ATP6V0E1: variants seen among roughly 807,000 people sequenced by gnomAD.
ATP6V0E1 encodes the protein V-type proton ATPase subunit e 1.
In ATP6V0E1, 4 loss-of-function variants were observed where a neutral mutation model predicts 11.6. The observed-to-expected ratio is 0.35, with a 90% confidence interval of 0.17 to 0.79. The LOEUF (loss-of-function observed/expected upper bound fraction) is 0.79. Ranked by LOEUF, ATP6V0E1 falls within the 30% of genes least tolerant of loss-of-function variation. The pLI, the probability that ATP6V0E1 is intolerant of heterozygous loss-of-function variation, is 0.54. For missense variants in ATP6V0E1, 105 were observed against 100.0 expected, an observed-to-expected ratio of 1.05 and a Z score of -0.21; for synonymous variants, 36 against 34.8, an observed-to-expected ratio of 1.04 and a Z score of -0.13.
chr5:173,027,336 A>AAAT (rs1756578766), intron 3 of ATP6V0E1, among the ~76,000 whole-genome samples: 1 of 150,310 alleles, frequency 6.7e-6, no homozygotes, highest in South Asian at 2.1e-4. Flanking sequence ...AAAAAAAAAA[A>AAAT]AAAAAAATAC....
intron 2 of ATP6V0E1, among the ~76,000 whole-genome samples, chr5:173,002,075 TG>T (rs2113590574): frequency 6.6e-6 from 1 of 152,306 alleles, no homozygotes; most frequent in South Asian, 2.1e-4. Flanking sequence ...CCTTCAAAAA[TG>T]ATCAACTCAT....
chr5:172,998,287 A>C (rs1581626905), intron 2 of ATP6V0E1, among the ~76,000 whole-genome samples: 1 of 134,092 alleles, frequency 7.5e-6, no homozygotes, highest in Admixed American at 8.3e-5. Flanking sequence ...ATGTGGAGGG[A>C]ATTCTTATCA....
In ATP6V0E1 at chr5:172,996,574, AATACATAC is replaced by A. The variant is rs534005934; in HGVS notation, c.152+1772_152+1779del. On this transcript the variant is annotated intron_variant, in intron 2 of 3. Transcript: ENST00000519374. Reference sequence around the variant, plus strand: ...GAGACTCCGCCTCAAAAAAAAAAAAAATACATACATACATACATACATACATAAAGTCA... The same window carrying A: ...GAGACTCCGCCTCAAAAAAAAAAAAAATACATACATACATACATAAAGTCA... 5.5e-3 allele frequency among the ~76,000 whole-genome samples: 829 copies of A among 151,792 alleles called. 2 individuals carry two copies. Among genetic ancestry groups the A allele is most frequent in the South Asian group, 0.018 (85 of 4,818 alleles).
At position 172,988,503 on chromosome 5, in the gene ATP6V0E1, C is replaced by T. The variant is rs114140096; in HGVS notation, c.104+4539C>T. On this transcript the variant is annotated intron_variant, in intron 1 of 3. Transcript: ENST00000519374. The stretch of plus-strand genomic sequence containing the variant: ...TTTTTTTAAAAAGGAAATACTAGTG[C>T]ACAATTTAATTAACTTTTCCATGTT... 4.9e-3 allele frequency among the ~76,000 whole-genome samples: 748 copies of T among 152,084 alleles called. 7 individuals carry two copies. Among genetic ancestry groups the T allele is most frequent in the African/African-American group, 0.017 (712 of 41,462 alleles).
At chr5:173,020,563 C>T in intron 3 of ATP6V0E1, 196 bp downstream of exon 3, 2 of 556,370 alleles carry the variant, frequency 3.6e-6, no homozygotes, top group Non-Finnish European at 3.3e-6. Context: ...TTTTTAGATT[C>T]TGCTATCACC....
intron 3 of ATP6V0E1, among the ~76,000 whole-genome samples, chr5:173,032,606 C>A (rs539893092): frequency 2.6e-5 from 4 of 152,072 alleles, no homozygotes; most frequent in Admixed American, 2.6e-4. Flanking sequence ...TTATTTTAAA[C>A]TGGTATCATT....
chr5:173,034,579 T>A lies in ATP6V0E1; in HGVS notation c.*217T>A. On this transcript the variant is annotated 3_prime_UTR_variant, in exon 4 of 4. Transcript: ENST00000519374. ...CACTTTGGTGAATTACGTGCCTCCA[T>A]AACCTGAACTGTGCCGACTCCACAA... 1.5e-6 allele frequency: 1 copy of A among 653,710 alleles called. No homozygotes were observed. Among genetic ancestry groups the A allele is most frequent in the Admixed American group, 2.2e-5 (1 of 45,992 alleles). The allele number at this position is 653,710 out of a possible 1,614,324, so 40.5% of individuals were successfully genotyped here. A position where few individuals can be genotyped will look rare whatever the true frequency, so the allele number is the denominator to read the frequency against.
chr5:173,012,358 A>G (rs1483722040), intron 2 of ATP6V0E1, among the ~76,000 whole-genome samples: 1 of 151,608 alleles, frequency 6.6e-6, no homozygotes, highest in South Asian at 2.1e-4. Context: ...GTGTGTGTAC[A>G]TGCATATGTG....
chr5:173,010,028 C>T (rs1159199284), intron 2 of ATP6V0E1, among the ~76,000 whole-genome samples: 1 of 152,202 alleles, frequency 6.6e-6, no homozygotes, highest in Non-Finnish European at 1.5e-5. Context: ...TCCCAAAGTG[C>T]TGGAATTACA....
At chr5:173,030,777 C>T (rs547851278) in intron 3 of ATP6V0E1, among the ~76,000 whole-genome samples, 4 of 152,018 alleles carry the variant, frequency 2.6e-5, no homozygotes, top group Non-Finnish European at 2.9e-5. Flanking sequence ...GAGATGGAAT[C>T]TCGCTCTGTC....
chr5:173,015,256 A>G (rs1756384113), intron 2 of ATP6V0E1, among the ~76,000 whole-genome samples: 1 of 152,208 alleles, frequency 6.6e-6, no homozygotes, highest in African/African-American at 2.4e-5. Context: ...GTTTCCTAGT[A>G]CAAGAATTAA....
In ATP6V0E1 at chr5:173,034,766, G is replaced by T; in HGVS notation, c.*404G>T. 1 of 286,450 alleles carries T rather than the reference G, an allele frequency of 3.5e-6. No homozygotes were observed. Among genetic ancestry groups the T allele is most frequent in the Non-Finnish European group, 6.7e-6 (1 of 149,762 alleles). 17.7% of individuals were successfully genotyped at this position (286,450 alleles called of 1,614,324 possible). A position where few individuals can be genotyped will look rare whatever the true frequency, so the allele number is the denominator to read the frequency against. ...AAGACAAACAAGACTCCAGTGGGGT[G>T]GTCAGTAGGAGAGCACGTTCAGAGG... On this transcript the variant is annotated 3_prime_UTR_variant, in exon 4 of 4. Coordinates refer to ENST00000519374, the MANE Select transcript of ATP6V0E1 (RefSeq NM_003945.4).
At chr5:173,027,841 G>A (rs1394224941) in intron 3 of ATP6V0E1, among the ~76,000 whole-genome samples, 1 of 152,112 alleles carries the variant, frequency 6.6e-6, no homozygotes, top group Non-Finnish European at 1.5e-5. Flanking sequence ...AGGTAAGGCT[G>A]TTGATTGGGG....
chr5:173,021,592 G>A (rs1756486621), intron 3 of ATP6V0E1, among the ~76,000 whole-genome samples: 2 of 151,992 alleles, frequency 1.3e-5, no homozygotes, highest in Admixed American at 1.3e-4. Flanking sequence ...ATTTGGGTGG[G>A]GACACAGCCA....
chr5:173,019,479 G>T (rs141500054), intron 2 of ATP6V0E1, among the ~76,000 whole-genome samples: 2 of 151,962 alleles, frequency 1.3e-5, no homozygotes, highest in Admixed American at 1.3e-4. Flanking sequence ...GGGTGAACTC[G>T]GGAGGCGGAG....
chr5:173,025,188 C>T (rs1756538554), intron 3 of ATP6V0E1, among the ~76,000 whole-genome samples: 1 of 141,308 alleles, frequency 7.1e-6, no homozygotes. Context: ...TGCTCTGTTG[C>T]CAAGGCTGGA....
At chr5:173,017,964 T>TGG (rs1272098312) in intron 2 of ATP6V0E1, among the ~76,000 whole-genome samples, 1 of 152,168 alleles carries the variant, frequency 6.6e-6, no homozygotes, top group Non-Finnish European at 1.5e-5. Context: ...GGAGGTTGGT[T>TGG]GGGCTTGTTT....
intron 2 of ATP6V0E1, among the ~76,000 whole-genome samples, chr5:173,008,901 A>T (rs1218524007): frequency 9.5e-6 from 1 of 105,514 alleles, no homozygotes; most frequent in Non-Finnish European, 1.8e-5. Context: ...ACAGAGCAAG[A>T]CTCTGTCTCA....
chr5:173,032,275 T>G (rs1202526617), intron 3 of ATP6V0E1, among the ~76,000 whole-genome samples: 12 of 149,282 alleles, frequency 8.0e-5, no homozygotes, highest in Non-Finnish European at 3.0e-5. Context: ...ATTTATTTAT[T>G]TATTTATTTA....
Sources: allele counts gnomAD v4.1 joint callset (sites outside exome capture counted in the v4.1 genomes callset), GRCh38; gene constraint gnomAD v4.1.1; transcripts MANE v1.5; gene names NCBI Gene and HGNC (gene_info 2026-07-23, HGNC 2026-07-21).